Variants in MED27 observed in about 807,000 individuals in gnomAD.
The protein encoded by MED27 is mediator of RNA polymerase II transcription subunit 27.
Under a neutral mutation model 38.2 loss-of-function variants are expected in MED27, and 30 were observed. That is an observed-to-expected ratio of 0.79 (90% CI 0.59 to 1.07). The LOEUF is 1.07. Ranked by LOEUF, MED27 falls within the 50% of genes least tolerant of loss-of-function variation. MED27 has a pLI of 0.00. For missense variants in MED27, 289 were observed against 397.5 expected (o/e 0.73, Z 2.32); for synonymous variants, 122 against 153.5 (o/e 0.79, Z 1.52).
At chr9:131,927,085 TTAAC>T (rs1830497005) in intron 4 of MED27, among the ~76,000 whole-genome samples, 1 of 152,252 alleles carries the variant, frequency 6.6e-6, no homozygotes, top group Non-Finnish European at 1.5e-5. Context: ...AGGCGGTAGA[TTAAC>T]TGACACTAAA....
chr9:131,903,891 C>CTTTTTTTTTTTTTTTTTTTTT (rs35837340), intron 4 of MED27, among the ~76,000 whole-genome samples: 1 of 126,712 alleles, frequency 7.9e-6, no homozygotes, highest in African/African-American at 2.9e-5. Context: ...CCACACACAG[C>CTTTTTTTTTTTTTTTTTTTTT]TTTTTTTTTT....
chr9:131,897,731 T>A (rs1829857978), intron 4 of MED27, among the ~76,000 whole-genome samples: 1 of 152,236 alleles, frequency 6.6e-6, no homozygotes, highest in Admixed American at 6.5e-5. Context: ...CTATTTCATT[T>A]ACTCGTGTAT....
At chr9:132,009,048 C>T (rs1832426880) in intron 3 of MED27, among the ~76,000 whole-genome samples, 1 of 152,208 alleles carries the variant, frequency 6.6e-6, no homozygotes, top group South Asian at 2.1e-4. Context: ...CCTTCTCAGG[C>T]ACTGGAAGAA....
At chr9:131,978,161 C>G (rs1367004003) in intron 3 of MED27, among the ~76,000 whole-genome samples, 1 of 152,124 alleles carries the variant, frequency 6.6e-6, no homozygotes, top group Non-Finnish European at 1.5e-5. Context: ...AGACCAAGCA[C>G]AGACACATGT....
chr9:131,906,562 T>C (rs9411323), intron 4 of MED27, among the ~76,000 whole-genome samples: 124,304 of 152,122 alleles, frequency 0.82, 51,111 homozygotes, highest in Middle Eastern at 0.88. Context: ...GGGCTTTCAG[T>C]AGAAAAGTGG....
At chr9:132,020,920 G>A (rs1832703527) in intron 2 of MED27, among the ~76,000 whole-genome samples, 1 of 152,068 alleles carries the variant, frequency 6.6e-6, no homozygotes, top group Non-Finnish European at 1.5e-5. Flanking sequence ...GGTCAAAACA[G>A]CATCAATAAA....
chr9:131,908,070 C>A (rs1265109797), intron 4 of MED27, among the ~76,000 whole-genome samples: 1 of 150,762 alleles, frequency 6.6e-6, no homozygotes, highest in Non-Finnish European at 1.5e-5. Flanking sequence ...GGCAGCCACC[C>A]GGTCTGGGAA....
intron 4 of MED27, among the ~76,000 whole-genome samples, chr9:131,927,209 C>T (rs545667939): frequency 2.0e-5 from 3 of 152,074 alleles, no homozygotes; most frequent in Non-Finnish European, 4.4e-5. Context: ...CAAAACAGCC[C>T]CGAAACAGAG....
At chr9:132,008,546 T>C (rs1832412471) in intron 3 of MED27, among the ~76,000 whole-genome samples, 1 of 152,262 alleles carries the variant, frequency 6.6e-6, no homozygotes, top group Non-Finnish European at 1.5e-5. Flanking sequence ...CAAGCTTCTT[T>C]GGAGGGGGAG....
chr9:132,079,565 G>A, intron 1 of MED27, 77 bp downstream of exon 1: 1 of 1,364,892 alleles, frequency 7.3e-7, no homozygotes, highest in East Asian at 2.3e-5. Context: ...GCCCCTGCCT[G>A]GGAAGACTCG....
rs1450307236 is a variant in MED27 at position 131,862,157 on chromosome 9, T to G, written c.801+906A>C. 6.6e-6 allele frequency among the ~76,000 whole-genome samples: 1 copy of G among 152,186 alleles called. No individual in the cohort carries two copies. Among genetic ancestry groups the G allele is most frequent in the Non-Finnish European group, 1.5e-5 (1 of 68,038 alleles). ...CAATCAACGCACCAGGGATGTGTCT[T>G]CTGAGGAATGAACTCCAGGCTCTCT... On this transcript the variant is annotated intron_variant, in intron 7 of 7. Transcript: ENST00000292035. The surrounding 1 kb of genome is among the most constrained non-coding windows in gnomAD (Gnocchi z 4.6).
chr9:131,900,174 C>A (rs1829912790), intron 4 of MED27, among the ~76,000 whole-genome samples: 1 of 152,230 alleles, frequency 6.6e-6, no homozygotes, highest in Admixed American at 6.5e-5. Flanking sequence ...GCCCGCCTCC[C>A]ATCTGGCCAT....
Position 131,883,972 on chromosome 9 carries a change from C to A in MED27, c.723+86G>T. 1 of 1,185,006 alleles carries A rather than the reference C, an allele frequency of 8.4e-7. No homozygotes were observed. The highest frequency in any genetic ancestry group is 1.2e-6 in the Non-Finnish European group (1 of 815,232). The allele number at this position is 1,185,006 out of a possible 1,614,324, so 73.4% of individuals were successfully genotyped here. On this transcript the variant is annotated intron_variant, in intron 6 of 7. Transcript: ENST00000292035. The surrounding 1 kb of genome is among the most constrained non-coding windows in gnomAD (Gnocchi z 4.2). ...CTGGCTTTTTTCACTTTTTCAAAAG[C>A]CTCTGATTTGAGACCAATGTTTAAA...
chr9:131,994,549 C>T (rs982663314), intron 3 of MED27, among the ~76,000 whole-genome samples: 3 of 152,242 alleles, frequency 2.0e-5, no homozygotes, highest in Admixed American at 1.3e-4. Context: ...GACTGCAGAC[C>T]TCTGCGAGCT....
intron 2 of MED27, among the ~76,000 whole-genome samples, chr9:132,052,823 C>T (rs746112447): frequency 2.6e-5 from 4 of 152,210 alleles, no homozygotes; most frequent in African/African-American, 4.8e-5. Context: ...TCTATCCATG[C>T]TGTTGTAAAA....
chr9:131,885,849 T>C (rs943397334), intron 5 of MED27, among the ~76,000 whole-genome samples: 2 of 152,138 alleles, frequency 1.3e-5, no homozygotes, highest in East Asian at 1.9e-4. Flanking sequence ...CTGTGTCCCA[T>C]AGGTGCTAAA....
rs763739232 is a variant in MED27, at chr9:131,860,511, G to A, written c.*27C>T. 1.3e-6 allele frequency: 2 copies of A among 1,493,876 alleles called. No homozygotes were observed. The highest frequency in any genetic ancestry group is 2.7e-5 in the South Asian group (2 of 73,490). The allele number at this position is 1,493,876 out of a possible 1,614,324, so 92.5% of individuals were successfully genotyped here. On this transcript the variant is annotated 3_prime_UTR_variant, in exon 8 of 8. Coordinates refer to ENST00000292035, the MANE Select transcript of MED27 (RefSeq NM_004269.4). The surrounding 1 kb of genome is among the most constrained non-coding windows in gnomAD (Gnocchi z 5.8). ...GCGTGTCTGGGAAGGTGCTGGGTGGGGTCTGAGGCTGGGGCCAGCGTGGGG... is the reference window on the plus strand; with the variant it reads ...GCGTGTCTGGGAAGGTGCTGGGTGGAGTCTGAGGCTGGGGCCAGCGTGGGG...
chr9:131,868,430 C>T (rs943138597), intron 6 of MED27, among the ~76,000 whole-genome samples: 2 of 152,242 alleles, frequency 1.3e-5, no homozygotes, highest in Non-Finnish European at 2.9e-5. Context: ...AGGCTCACGC[C>T]ACCCCGCCCA....
chr9:131,972,203 A>AT (rs1260373558), intron 3 of MED27, among the ~76,000 whole-genome samples: 2 of 152,224 alleles, frequency 1.3e-5, no homozygotes, highest in African/African-American at 4.8e-5. Flanking sequence ...AAAACGATCT[A>AT]TTCCTTTTCC....
Sources: allele counts gnomAD v4.1 joint callset (sites outside exome capture counted in the v4.1 genomes callset), GRCh38; gene constraint gnomAD v4.1.1; non-coding constraint Gnocchi (gnomAD v3.1); transcripts MANE v1.5; gene names NCBI Gene and HGNC (gene_info 2026-07-23, HGNC 2026-07-21).